The following THOC2 variants were observed in gnomAD, a reference collection of about 807,000 sequenced individuals.
The protein encoded by THOC2 is THO complex subunit 2, also known as THO complex 2.
Under a neutral mutation model 128.4 loss-of-function variants are expected in THOC2, and 10 were observed. The observed-to-expected ratio is 0.08, with a 90% CI of 0.05 to 0.13. THOC2 has a LOEUF of 0.13. THOC2 is among the 10% of genes least tolerant of loss of function. The pLI, the probability that THOC2 is intolerant of heterozygous loss-of-function variation, is 1.00. For missense variants in THOC2, 535 were observed against 1,155.7 expected (o/e 0.46, Z 7.79); for synonymous variants, 393 against 396.9 (o/e 0.99, Z 0.12).
At chrX:123,631,614 A>G (rs2047488057) in intron 22 of THOC2, 74 bp downstream of exon 22, 1 of 1,088,275 alleles carries the variant, frequency 9.2e-7, no homozygotes, top group African/African-American at 1.8e-5. Context: ...CTGTAGTGAT[A>G]TGTACTTACA....
intron 15 of THOC2, among the ~76,000 whole-genome samples, chrX:123,641,722 TAAAGAAA>T (rs2047920843): frequency 9.0e-6 from 1 of 111,393 alleles, no homozygotes. Context: ...AAACAAAAAT[TAAAGAAA>T]TATTTTCTTG....
intron 12 of THOC2, among the ~76,000 whole-genome samples, chrX:123,662,442 G>A (rs12837704): frequency 9.2e-6 from 1 of 109,139 alleles, no homozygotes; most frequent in Non-Finnish European, 1.9e-5. Flanking sequence ...AAAAAAATTA[G>A]CCGGGCGTGG....
intron 38 of THOC2, chrX:123,603,600 G>A: frequency 1.5e-6 from 1 of 674,802 alleles, no homozygotes; most frequent in Non-Finnish European, 2.4e-6. Flanking sequence ...GGATGGTGGT[G>A]TGTACTCATC....
rs762880861 is a variant in THOC2, at chrX:123,626,031, G to A, written c.2938C>T (p.Leu980=). The change falls in exon 25 of 39, where the codon CTG becomes TTG. Residue 980 remains leucine (L), a synonymous_variant. Coordinates refer to ENST00000245838, the MANE Select transcript of THOC2 (RefSeq NM_001081550.2). ...KNETITKFLQ[L]CIFPRCIFSA... ...AAAATACATCGAGGAAATATACACAGCTGTAGAAATTTTGTGATGGTCTCA... is the reference window on the plus strand; with the variant it reads ...AAAATACATCGAGGAAATATACACAACTGTAGAAATTTTGTGATGGTCTCA... 2 of 1,199,630 alleles carry A rather than the reference G, an allele frequency of 1.7e-6. No individual in the cohort carries two copies. Among genetic ancestry groups the A allele is most frequent in the South Asian group, 3.6e-5 (2 of 55,396 alleles).
chrX:123,637,263 G>A (rs181847889), intron 18 of THOC2, among the ~76,000 whole-genome samples: 61 of 111,673 alleles, frequency 5.5e-4, no homozygotes, highest in African/African-American at 1.8e-3. Context: ...GCAAGATTCC[G>A]CTATCAGATA....
chrX:123,648,747 G>T (rs2048236939), intron 12 of THOC2, among the ~76,000 whole-genome samples: 1 of 111,903 alleles, frequency 8.9e-6, no homozygotes, highest in African/African-American at 3.2e-5. Flanking sequence ...AGCTGGTGTA[G>T]CCTGACTGCC....
At chrX:123,682,002 TGAGCC>T (rs909899238) in intron 8 of THOC2, among the ~76,000 whole-genome samples, 2 of 111,562 alleles carry the variant, frequency 1.8e-5, no homozygotes, top group African/African-American at 6.5e-5. Context: ...GAGGTTGCGA[TGAGCC>T]GAGATTGCGC....
intron 28 of THOC2, chrX:123,623,586 A>T (rs2047163114): frequency 2.3e-6 from 2 of 879,294 alleles, no homozygotes; most frequent in Non-Finnish European, 3.2e-6. Context: ...ACATGACTTT[A>T]AAAAAACTAT....
At chrX:123,652,891 C>G (rs765768105) in intron 12 of THOC2, among the ~76,000 whole-genome samples, 39 of 111,828 alleles carry the variant, frequency 3.5e-4, no homozygotes, top group Non-Finnish European at 6.8e-4. Flanking sequence ...ATCAAGCTAC[C>G]AGTGACTTTT....
intron 2 of THOC2, among the ~76,000 whole-genome samples, chrX:123,708,330 A>G (rs1481707337): frequency 8.9e-6 from 1 of 111,763 alleles, no homozygotes; most frequent in East Asian, 2.8e-4. Flanking sequence ...TTTTACAACT[A>G]TATCTACGTT....
At chrX:123,692,693 G>T (rs1306265909) in intron 7 of THOC2, among the ~76,000 whole-genome samples, 1 of 109,738 alleles carries the variant, frequency 9.1e-6, no homozygotes, top group African/African-American at 3.3e-5. Context: ...GTAGAGACAG[G>T]GTTTTACCAT....
intron 36 of THOC2, among the ~76,000 whole-genome samples, chrX:123,612,300 T>C (rs2046729054): frequency 1.8e-5 from 2 of 111,579 alleles, no homozygotes; most frequent in African/African-American, 3.3e-5. Context: ...AACTGAAAAA[T>C]GGATAAACAA....
chrX:123,697,827 T>C lies in THOC2; in HGVS notation c.275-76A>G, dbSNP rs2050507275. 7 of 455,634 alleles carry C rather than the reference T, an allele frequency of 1.5e-5. No individual in the cohort carries two copies. In the South Asian group the frequency reaches 1.8e-4, roughly 12 times the overall value. The allele number at this position is 455,634 out of a possible 1,213,427, so 37.5% of individuals were successfully genotyped here. A position where few individuals can be genotyped will look rare whatever the true frequency, so the allele number is the denominator to read the frequency against. On this transcript the variant is annotated intron_variant, in intron 4 of 38. Coordinates refer to ENST00000245838, the MANE Select transcript of THOC2 (RefSeq NM_001081550.2). ...GCACTAAAGTAAGATACTTATTTTA[T>C]TTGAAACTAACTAATTTTAAAATGC...
chrX:123,632,692 T>A (rs3765260), intron 21 of THOC2, among the ~76,000 whole-genome samples, 169 bp downstream of exon 21: 46,347 of 109,407 alleles, frequency 0.42, 8,302 homozygotes, highest in East Asian at 0.67. Context: ...CTATCTCTTA[T>A]ATATCACAAT....
chrX:123,622,420 A>G (rs1420513548), intron 30 of THOC2, among the ~76,000 whole-genome samples: 1 of 112,642 alleles, frequency 8.9e-6, no homozygotes, highest in African/African-American at 3.2e-5. Flanking sequence ...ATACAAGCAT[A>G]ACTATACAAA....
chrX:123,618,380 G>A (rs1418770967), intron 33 of THOC2, among the ~76,000 whole-genome samples: 1 of 111,771 alleles, frequency 8.9e-6, no homozygotes, highest in Non-Finnish European at 1.9e-5. Flanking sequence ...TACAATTTTA[G>A]GACACAGGTA....
intron 7 of THOC2, among the ~76,000 whole-genome samples, chrX:123,695,722 T>C (rs1321811882): frequency 9.0e-6 from 1 of 111,609 alleles, no homozygotes; most frequent in East Asian, 2.8e-4. Flanking sequence ...TTGTCATCCA[T>C]TCTCTTTTGA....
At chrX:123,652,292 A>G (rs1471687036) in intron 12 of THOC2, among the ~76,000 whole-genome samples, 1 of 111,915 alleles carries the variant, frequency 8.9e-6, no homozygotes, top group Non-Finnish European at 1.9e-5. Flanking sequence ...CAAAATAATA[A>G]GAACTATTTA....
At chrX:123,722,087 G>C (rs2051727329) in intron 1 of THOC2, among the ~76,000 whole-genome samples, 1 of 112,218 alleles carries the variant, frequency 8.9e-6, no homozygotes, top group Non-Finnish European at 1.9e-5. Context: ...CAGAGTATTT[G>C]CTGCCGATGA....
Sources: gnomAD v4.1 joint callset for allele counts (sites outside exome capture counted in the v4.1 genomes callset) on GRCh38, gnomAD v4.1.1 for gene constraint, MANE v1.5 for transcripts, NCBI Gene and HGNC (gene_info 2026-07-23, HGNC 2026-07-21) for gene names.